The following PCYT1B variants were observed in gnomAD, a reference collection of about 807,000 sequenced individuals.
PCYT1B encodes choline-phosphate cytidylyltransferase B.
A neutral mutation model predicts 26.4 loss-of-function variants in PCYT1B; 10 were observed. That is an observed-to-expected ratio of 0.38 (90% CI 0.23 to 0.64). The LOEUF is 0.64. Ranked by LOEUF, PCYT1B falls within the 30% of genes least tolerant of loss-of-function variation. The pLI is 0.56. For missense variants in PCYT1B, 161 were observed against 292.7 expected, an observed-to-expected ratio of 0.55 and a Z score of 3.28; for synonymous variants, 131 against 108.4, an observed-to-expected ratio of 1.21 and a Z score of -1.29.
At chrX:24,627,448 C>T (rs1602191634) in intron 1 of PCYT1B, among the ~76,000 whole-genome samples, 2 of 111,486 alleles carry the variant, frequency 1.8e-5, no homozygotes, top group African/African-American at 3.3e-5. Context: ...ATTCTCCTGC[C>T]TCAGCCTCCC....
At chrX:24,590,895 G>A (rs1170678702) in intron 3 of PCYT1B, among the ~76,000 whole-genome samples, 3 of 103,598 alleles carry the variant, frequency 2.9e-5, no homozygotes, top group Non-Finnish European at 3.9e-5. Flanking sequence ...CCGGGTTCAC[G>A]CCATTCTCCT....
At chrX:24,613,962 A>G (rs55990355) in intron 2 of PCYT1B, among the ~76,000 whole-genome samples, 5 of 20,565 alleles carry the variant, frequency 2.4e-4, no homozygotes, top group Non-Finnish European at 4.3e-4. Context: ...AAAAAAAAAA[A>G]AAAAAAAAAA....
intron 1 of PCYT1B, among the ~76,000 whole-genome samples, chrX:24,665,855 A>C (rs1299944325): frequency 9.0e-6 from 1 of 110,989 alleles, no homozygotes; most frequent in African/African-American, 3.3e-5. Flanking sequence ...AGTCTTACCT[A>C]TCTCTCTTCG....
intron 1 of PCYT1B, among the ~76,000 whole-genome samples, chrX:24,653,612 T>C (rs767507988): frequency 2.7e-5 from 3 of 111,575 alleles, no homozygotes; most frequent in Non-Finnish European, 3.8e-5. Flanking sequence ...CCTTTCCTTG[T>C]TTCACTTACC....
upstream of PCYT1B, among the ~76,000 whole-genome samples, chrX:24,650,740 T>A (rs1199490023): frequency 8.9e-6 from 1 of 112,467 alleles, no homozygotes; most frequent in East Asian, 2.8e-4. Context: ...TTTAGAATAT[T>A]CATACCCTTT....
intron 1 of PCYT1B, among the ~76,000 whole-genome samples, chrX:24,663,575 T>C (rs766807631): frequency 8.9e-6 from 1 of 111,969 alleles, no homozygotes; most frequent in Non-Finnish European, 1.9e-5. Context: ...CCCTGGAAAA[T>C]GTAGATAGAT....
At chrX:24,562,633 C>T in intron 7 of PCYT1B, 128 bp from the exon 8 acceptor site, 1 of 522,276 alleles carries the variant, frequency 1.9e-6, no homozygotes, top group Non-Finnish European at 3.3e-6. Flanking sequence ...ACACTCATAC[C>T]ACATCCCGTG....
chrX:24,613,713 G>A lies in PCYT1B; in HGVS notation c.217+5272C>T. Among the ~76,000 whole-genome samples the A allele has an allele frequency of 2.7e-5, 3 of 110,578 alleles. 1 individual carries two copies. The Admixed American group carries it at 2.9e-4, about 11-fold the overall frequency. On this transcript the variant is annotated intron_variant, in intron 2 of 7. Transcript: ENST00000379144. ...CATGCCTGTAATCCCAGCACTTTGG[G>A]AAGCTAAGGTGGATAGATGGCTCGA...
At chrX:24,669,521 A>G (rs919194773) in intron 1 of PCYT1B, among the ~76,000 whole-genome samples, 4 of 108,570 alleles carry the variant, frequency 3.7e-5, no homozygotes, top group Non-Finnish European at 7.6e-5. Flanking sequence ...AAAAAAAAAA[A>G]AAAAAAGTGG....
intron 2 of PCYT1B, among the ~76,000 whole-genome samples, chrX:24,610,993 A>G (rs1035656601): frequency 1.8e-5 from 2 of 112,423 alleles, no homozygotes; most frequent in Admixed American, 9.5e-5. Flanking sequence ...AGAAATTGGA[A>G]CACTGAATAT....
intron 1 of PCYT1B, among the ~76,000 whole-genome samples, chrX:24,663,708 G>A (rs1927071843): frequency 9.0e-6 from 1 of 111,358 alleles, no homozygotes; most frequent in Non-Finnish European, 1.9e-5. Context: ...CTTGAGGTCA[G>A]GAGTTTGAGA....
intron 1 of PCYT1B, among the ~76,000 whole-genome samples, chrX:24,670,116 G>GAAA (rs1231663701): frequency 1.5e-3 from 142 of 96,239 alleles, no homozygotes; most frequent in Middle Eastern, 4.8e-3. Context: ...AAGAAAGAAA[G>GAAA]GAAGGAAGGA....
At chrX:24,671,458 A>T (rs185991853) in intron 1 of PCYT1B, among the ~76,000 whole-genome samples, 1 of 111,432 alleles carries the variant, frequency 9.0e-6, no homozygotes, top group East Asian at 2.8e-4. Flanking sequence ...TTAAGATAAC[A>T]TGGAGGTGAC....
intron 1 of PCYT1B, among the ~76,000 whole-genome samples, chrX:24,663,493 CAG>C (rs1354372925): frequency 3.6e-5 from 4 of 112,667 alleles, no homozygotes; most frequent in Non-Finnish European, 7.5e-5. Context: ...CTTTTCAATA[CAG>C]AAATGCAAAG....
Position 24,639,047 on chromosome X carries a change from A to T in PCYT1B, c.117+7942T>A, listed in dbSNP as rs140277187. The stretch of plus-strand genomic sequence containing the variant: ...GTAAAACTTCAAAGTGCTTGTGAAC[A>T]TTTGTTATTCATATTTAGCCAGTGT... On this transcript the variant is annotated intron_variant, in intron 1 of 7. Transcript: ENST00000379144. Among the ~76,000 whole-genome samples the T allele has an allele frequency of 5.9e-4, 67 of 112,821 alleles. 1 individual carries two copies. Among genetic ancestry groups the T allele is most frequent in the African/African-American group, 2.0e-3 (62 of 31,111 alleles).
At chrX:24,581,091 G>C (rs1456844745) in intron 5 of PCYT1B, among the ~76,000 whole-genome samples, 1 of 111,731 alleles carries the variant, frequency 9.0e-6, no homozygotes, top group African/African-American at 3.3e-5. Context: ...CTCAAAACCA[G>C]TCTCCAGCAA....
At chrX:24,624,114 A>T (rs4898192) in intron 1 of PCYT1B, among the ~76,000 whole-genome samples, 53,372 of 107,511 alleles carry the variant, frequency 0.5, 10,090 homozygotes, top group East Asian at 0.7. Context: ...GGACTACAGG[A>T]GCCCGCCACC....
At chrX:24,623,609 C>A (rs987609175) in intron 1 of PCYT1B, among the ~76,000 whole-genome samples, 2 of 109,963 alleles carry the variant, frequency 1.8e-5, no homozygotes, top group East Asian at 5.6e-4. Flanking sequence ...AATATGTTAC[C>A]CATTTGTCAC....
chrX:24,664,888 G>A (rs1927096344), intron 1 of PCYT1B, among the ~76,000 whole-genome samples: 2 of 111,639 alleles, frequency 1.8e-5, no homozygotes, highest in South Asian at 7.5e-4. Flanking sequence ...AACCTGGGAG[G>A]CAGAGGTTGC....
Sources: gnomAD v4.1 joint callset for allele counts (sites outside exome capture counted in the v4.1 genomes callset) on GRCh38, gnomAD v4.1.1 for gene constraint, MANE v1.5 for transcripts, NCBI Gene and HGNC (gene_info 2026-07-23, HGNC 2026-07-21) for gene names.